The following MRPL42 variants were observed in gnomAD, a reference collection of about 807,000 sequenced individuals.
MRPL42 encodes large ribosomal subunit protein mL42.
MRPL42 carries 17 observed loss-of-function variants against 17.9 expected under a neutral mutation model. The ratio of observed to expected loss-of-function variants is 0.95; its 90% CI spans 0.65 to 1.42. The LOEUF (loss-of-function observed/expected upper bound fraction) is 1.42, where lower values mean the gene tolerates loss of function less well. Ranked by LOEUF, MRPL42 falls within the 40% of genes most tolerant of loss-of-function variation. The pLI is 0.00. For synonymous variants in MRPL42, 59 were observed against 54.4 expected (o/e 1.08, Z -0.37); for missense variants, 177 against 175.2 (o/e 1.01, Z -0.06).
intron 1 of MRPL42, among the ~76,000 whole-genome samples, chr12:93,468,878 C>T (rs767891726): frequency 3.9e-5 from 6 of 152,068 alleles, no homozygotes; most frequent in Non-Finnish European, 7.4e-5. Flanking sequence ...ACTCTGTGTA[C>T]CATTTGTGAG....
At position 93,511,867 on chromosome 12, in the gene MRPL42, C is replaced by T. The variant is rs887544538; in HGVS notation, c.*10646C>T. 1 of 152,172 alleles carries T rather than the reference C, an allele frequency of 6.6e-6. No homozygotes were observed. The highest frequency in any genetic ancestry group is 1.5e-5 in the Non-Finnish European group (1 of 68,036). 9.4% of individuals were successfully genotyped at this position (152,172 alleles called of 1,614,324 possible). On this transcript the variant is annotated 3_prime_UTR_variant, in exon 6 of 6. Coordinates refer to ENST00000549982, the MANE Select transcript of MRPL42 (RefSeq NM_014050.4). ...CGGAATAATTACCTAAATTAAGGAG[C>T]TTGCCCTAGAATGTAAATCAACCTA...
At chr12:93,472,665 A>C (rs774211292) in intron 2 of MRPL42, among the ~76,000 whole-genome samples, 18 of 152,212 alleles carry the variant, frequency 1.2e-4, no homozygotes, top group Non-Finnish European at 2.2e-4. Flanking sequence ...GATTGGAGGC[A>C]AAGCGAAATC....
rs1354175891 is a variant in MRPL42 at position 93,511,042 on chromosome 12, A to G, written c.*9821A>G. On this transcript the variant is annotated 3_prime_UTR_variant, in exon 6 of 6. Coordinates refer to ENST00000549982, the MANE Select transcript of MRPL42 (RefSeq NM_014050.4). ...ACTTACCTTTTCTGAATGCAACAGT[A>G]TTAGTAAACCTAATGGTGACAATAA... The G allele has an allele frequency of 6.6e-6, 1 of 152,216 alleles. No homozygotes were observed. The highest frequency in any genetic ancestry group is 1.5e-5 in the Non-Finnish European group (1 of 68,024). 9.4% of individuals were successfully genotyped at this position (152,216 alleles called of 1,614,324 possible).
rs1203593321 is a variant in MRPL42 at position 93,484,985 on chromosome 12, T to C, written c.220-2512T>C. ...AAACACACACACACACACACATATA[T>C]ATATATATATATATATATATATATA... is the stretch of plus-strand genomic sequence containing the variant. On this transcript the variant is annotated intron_variant, in intron 4 of 5. Coordinates refer to ENST00000549982, the MANE Select transcript of MRPL42 (RefSeq NM_014050.4). Among the ~76,000 whole-genome samples the C allele has an allele frequency of 5.1e-3, 62 of 12,100 alleles. 1 individual carries two copies. The highest frequency in any genetic ancestry group is 6.5e-3 in the Non-Finnish European group (49 of 7,496). 7.9% of individuals were successfully genotyped at this position (12,100 alleles called of 152,430 possible).
chr12:93,495,681 C>G (rs1413936867), intron 5 of MRPL42, among the ~76,000 whole-genome samples: 2 of 152,174 alleles, frequency 1.3e-5, no homozygotes, highest in East Asian at 1.9e-4. Flanking sequence ...AATAATTAGA[C>G]TCAGGTAGCT....
intron 2 of MRPL42, among the ~76,000 whole-genome samples, chr12:93,474,397 G>A (rs962601974): frequency 2.6e-5 from 4 of 151,588 alleles, no homozygotes; most frequent in African/African-American, 4.9e-5. Context: ...CCTTGGCCTC[G>A]CAAAGCGCTG....
chr12:93,479,079 G>A (rs1471108343), intron 3 of MRPL42, among the ~76,000 whole-genome samples: 1 of 151,418 alleles, frequency 6.6e-6, no homozygotes, highest in East Asian at 1.9e-4. Context: ...CTACAGGTGT[G>A]TGCCACCACA....
At chr12:93,476,841 C>T in intron 2 of MRPL42, 113 bp from the exon 3 acceptor site, 1 of 941,994 alleles carries the variant, frequency 1.1e-6, no homozygotes, top group South Asian at 1.4e-5. Flanking sequence ...CTAGCACAGG[C>T]CTGTTTCATA....
intron 4 of MRPL42, among the ~76,000 whole-genome samples, chr12:93,481,343 G>A (rs9308295): frequency 1.3e-5 from 2 of 152,024 alleles, no homozygotes; most frequent in Admixed American, 1.3e-4. Flanking sequence ...GTTTTCTCTC[G>A]CATACTCTTT....
chr12:93,474,343 T>C lies in MRPL42; in HGVS notation c.71-2611T>C, dbSNP rs74509261. Among the ~76,000 whole-genome samples the C allele has an allele frequency of 3.4e-3, 521 of 152,314 alleles. 3 individuals carry two copies. The highest frequency in any genetic ancestry group is 0.012 in the African/African-American group (502 of 41,594). On this transcript the variant is annotated intron_variant, in intron 2 of 5. Coordinates refer to ENST00000549982, the MANE Select transcript of MRPL42 (RefSeq NM_014050.4). Reference sequence around the variant, plus strand: ...GGTCTCACTATATGACCCAACTATGTTGCCCAGGCTGGTCTTGAACTGCTG... The same window carrying C: ...GGTCTCACTATATGACCCAACTATGCTGCCCAGGCTGGTCTTGAACTGCTG...
At chr12:93,473,061 G>A (rs1879983629) in intron 2 of MRPL42, among the ~76,000 whole-genome samples, 1 of 152,122 alleles carries the variant, frequency 6.6e-6, no homozygotes, top group Admixed American at 6.6e-5. Context: ...AGCTTTCATA[G>A]CTCTTTCAAA....
Position 93,469,219 on chromosome 12 carries a change from GA to G in MRPL42, c.-66del. The G allele has an allele frequency of 7.7e-7, 1 of 1,297,822 alleles. No individual in the cohort carries two copies. Among genetic ancestry groups the G allele is most frequent in the Non-Finnish European group, 1.1e-6 (1 of 917,658 alleles). 80.4% of individuals were successfully genotyped at this position (1,297,822 alleles called of 1,614,324 possible). ...GTAGAAATTGGTATGCTTAGAAGCA[GA>G]TTCTAAAAGCAGTTTCTCTTCAGAA... On this transcript the variant is annotated 5_prime_UTR_variant, in exon 2 of 6. It removes the in-frame stop codon of an upstream open reading frame in the 5' UTR. Transcript: ENST00000549982.
intron 2 of MRPL42, among the ~76,000 whole-genome samples, chr12:93,475,852 G>A (rs1217564846): frequency 1.3e-5 from 2 of 151,766 alleles, no homozygotes; most frequent in Non-Finnish European, 2.9e-5. Context: ...GGCGTGGTGG[G>A]GGCCTGTAGT....
Position 93,510,442 on chromosome 12 carries a change from A to C in MRPL42, c.*9221A>C, listed in dbSNP as rs1046591453. On this transcript the variant is annotated 3_prime_UTR_variant, in exon 6 of 6. Transcript: ENST00000549982. ...GTTTTTGTGTCCATTTAAGCTTTCA[A>C]CTCCTTTGGGTAAATACCAAAGAGC... 3 of 152,070 alleles carry C rather than the reference A, an allele frequency of 2.0e-5. No homozygotes were observed. The highest frequency in any genetic ancestry group is 4.4e-5 in the Non-Finnish European group (3 of 68,022). The allele number at this position is 152,070 out of a possible 1,614,324, so 9.4% of individuals were successfully genotyped here.
intron 5 of MRPL42, among the ~76,000 whole-genome samples, chr12:93,497,704 A>G (rs891821763): frequency 2.0e-5 from 3 of 151,812 alleles, no homozygotes; most frequent in Admixed American, 6.6e-5. Context: ...CTCCTATTCA[A>G]CATAGTACTG....
chr12:93,495,146 ATAAACCCTG>A (rs1555202253), intron 5 of MRPL42, among the ~76,000 whole-genome samples: 1 of 152,172 alleles, frequency 6.6e-6, no homozygotes, highest in Non-Finnish European at 1.5e-5. Flanking sequence ...TTTTCACCCA[ATAAACCCTG>A]TCCTTCCTCA....
chr12:93,514,919 A>C lies in MRPL42; in HGVS notation c.*13698A>C, dbSNP rs1565824260. On this transcript the variant is annotated 3_prime_UTR_variant, in exon 6 of 6. Transcript: ENST00000549982. ...CCAATAATGCATTACATTTTTTAGC[A>C]GTCATGTCATCCTCTTGATTTGCAT... The C allele has an allele frequency of 6.6e-6, 1 of 152,116 alleles. No homozygotes were observed. The highest frequency in any genetic ancestry group is 2.4e-5 in the African/African-American group (1 of 41,406). 9.4% of individuals were successfully genotyped at this position (152,116 alleles called of 1,614,324 possible). A position where few individuals can be genotyped will look rare whatever the true frequency, so the allele number is the denominator to read the frequency against.
chr12:93,496,835 G>A (rs747421115), intron 5 of MRPL42, among the ~76,000 whole-genome samples: 1 of 151,790 alleles, frequency 6.6e-6, no homozygotes, highest in African/African-American at 2.4e-5. Context: ...GGGTGGGGAC[G>A]GAGTTCTGCT....
rs80284354 is a variant in MRPL42, at chr12:93,487,084, C to G, written c.220-413C>G. Among the ~76,000 whole-genome samples, 555 of 152,274 alleles carry G rather than the reference C, an allele frequency of 3.6e-3. 4 individuals are homozygous for G. The highest frequency in any genetic ancestry group is 0.013 in the African/African-American group (535 of 41,540). On this transcript the variant is annotated intron_variant, in intron 4 of 5. Transcript: ENST00000549982. ...TCTCAAGTGATCCTCCCACTTCAGC[C>G]TCTTGAGTAGCTGGGACTGCAGGTG...
Sources: gnomAD v4.1 joint callset for allele counts (sites outside exome capture counted in the v4.1 genomes callset) on GRCh38, gnomAD v4.1.1 for gene constraint, MANE v1.5 for transcripts, NCBI Gene and HGNC (gene_info 2026-07-23, HGNC 2026-07-21) for gene names.